The following PRAMEF19 variants were observed in gnomAD, a reference collection of about 807,000 sequenced individuals.
PRAMEF19 encodes the protein PRAME family member 19.
A neutral mutation model predicts 33.1 loss-of-function variants in PRAMEF19; 21 were observed. The ratio of observed to expected loss-of-function variants is 0.63; its 90% CI spans 0.45 to 0.91. PRAMEF19 has a LOEUF of 0.91. PRAMEF19 is among the 40% of genes least tolerant of loss of function. PRAMEF19 has a pLI of 0.00. For synonymous variants in PRAMEF19, 179 were observed against 229.3 expected, an observed-to-expected ratio of 0.78 and a Z score of 1.98; for missense variants, 481 against 585.2, an observed-to-expected ratio of 0.82 and a Z score of 1.84.
At chr1:13,369,628 G>C (rs1230922304) in exon 3 of PRAMEF19, 139 of 1,613,808 alleles carry the variant, frequency 8.6e-5, no homozygotes, top group Admixed American at 1.2e-4. Flanking sequence ...TCTCCAACGG[G>C]CTCTTGAGGC....
At chr1:13,371,404 T>G (rs1640670580) in intron 1 of PRAMEF19, among the ~76,000 whole-genome samples, 177 bp from the exon 2 acceptor site, 1 of 151,698 alleles carries the variant, frequency 6.6e-6, no homozygotes, top group African/African-American at 2.4e-5. Flanking sequence ...TGCCTTTACC[T>G]TCCACTGGGA....
Position 13,371,038 on chromosome 1 carries a change from G to A in PRAMEF19, c.477C>T (p.Ser159=), listed in dbSNP as rs1457607292. The A allele has an allele frequency of 1.1e-5, 17 of 1,611,792 alleles. 1 individual carries two copies. Among genetic ancestry groups the A allele is most frequent in the African/African-American group, 9.4e-5 (7 of 74,820 alleles). ...AGAAGAAGCTCAGATCTTCATCCAC[G>A]GATTTTTCCTTGAGGCAAACATCCA... Residue 159 remains serine (S), a synonymous_variant, in exon 2 of 3, where the codon TCC becomes TCT. Transcript: ENST00000376101.
At chr1:13,369,624 A>G (rs1382025115) in exon 3 of PRAMEF19, 2 of 1,613,858 alleles carry the variant, frequency 1.2e-6, no homozygotes, top group African/African-American at 1.3e-5. Flanking sequence ...AATGTCTCCA[A>G]CGGGCTCTTG....
chr1:13,370,916 TC>T lies in PRAMEF19; in HGVS notation c.598del (p.Glu200LysfsTer22), dbSNP rs1640663627. On this transcript the variant is annotated frameshift_variant, in exon 2 of 3. Transcript: ENST00000376101. LOFTEE classifies it high-confidence loss of function. Reference sequence around the variant, plus strand: ...TTGGATACTGTCTGGGTATACTGTTTCTAATATGTTTCTGAAATTTAGAATG... The same window carrying T: ...TTGGATACTGTCTGGGTATACTGTTTTAATATGTTTCTGAAATTTAGAATG... 2.5e-6 allele frequency: 4 copies of T among 1,613,962 alleles called. No homozygotes were observed. The highest frequency in any genetic ancestry group is 2.7e-5 in the African/African-American group (2 of 75,062).
rs752845494 is a variant in PRAMEF19, at chr1:13,369,311, C to T, written c.1196G>A (p.Arg399His). The change falls in exon 3 of 3, where the codon CGC becomes CAC. Residue 399 changes from arginine to histidine, a missense_variant. By Grantham distance (29) the Arg-to-His change is conservative (BLOSUM62 0). This residue lies in a region of PRAMEF19 where 392 missense variants were observed against 397.5 expected (regional missense o/e 0.99). Coordinates refer to ENST00000376101, the Ensembl canonical transcript of PRAMEF19. ...CAAATTGCTCAGCCTGCCTGTGTGG[C>T]GCAGCAGGTCCTTCAGACCATCCAT... is the stretch of plus-strand genomic sequence containing the variant. 1.4e-5 allele frequency: 22 copies of T among 1,612,046 alleles called. No homozygotes were observed. Among genetic ancestry groups the T allele is most frequent in the South Asian group, 7.7e-5 (7 of 90,992 alleles).
At chr1:13,371,758 C>A (rs1412539201) in exon 1 of PRAMEF19, 1 of 1,610,154 alleles carries the variant, frequency 6.2e-7, no homozygotes, top group African/African-American at 1.3e-5. Context: ...AACCTCGCAG[C>A]ATCTGCTAGT....
chr1:13,370,641 T>C lies in PRAMEF19; in HGVS notation c.866+8A>G. On this transcript the variant is annotated splice_region_variant and intron_variant, in intron 2 of 2. Transcript: ENST00000376101. ...GTCCCCCAGAGAAAGCTCACCATCT[T>C]TCCTCACCTGATCAGCTGGTCCAGG... The C allele has an allele frequency of 1.9e-6, 3 of 1,613,900 alleles. No homozygotes were observed. Among genetic ancestry groups the C allele is most frequent in the Non-Finnish European group, 2.5e-6 (3 of 1,179,850 alleles).
rs1245806976 is a variant in PRAMEF19 at position 13,370,594 on chromosome 1, T to C, written c.866+55A>G. 5.7e-4 allele frequency: 924 copies of C among 1,609,178 alleles called. 2 individuals are homozygous for C. The highest frequency in any genetic ancestry group is 7.3e-4 in the Non-Finnish European group (857 of 1,176,986). ...AGTAGATGCTGACTAGTGTTTACTG[T>C]AACAAAAAAAGGCTGTGCTGTGTCC... On this transcript the variant is annotated intron_variant, in intron 2 of 2. Transcript: ENST00000376101.
chr1:13,371,308 T>G (rs1335085814), intron 1 of PRAMEF19, 81 bp from the exon 2 acceptor site: 1 of 1,427,618 alleles, frequency 7.0e-7, no homozygotes, highest in South Asian at 1.2e-5. Flanking sequence ...CATCAAGGAC[T>G]TCAGCTGCTT....
chr1:13,371,645 C>G, exon 1 of PRAMEF19: 1 of 1,610,792 alleles, frequency 6.2e-7, no homozygotes, highest in Non-Finnish European at 8.5e-7. Flanking sequence ...AGCAGGCAAT[C>G]AATCCCATCC....
chr1:13,368,575 A>C (rs1244143092), downstream of PRAMEF19, among the ~76,000 whole-genome samples: 3 of 152,186 alleles, frequency 2.0e-5, no homozygotes, highest in South Asian at 2.1e-4. Flanking sequence ...CATGAAGGAC[A>C]GCAGAGAGTT....
exon 2 of PRAMEF19, chr1:13,371,031 C>T: frequency 2.5e-6 from 4 of 1,612,038 alleles, no homozygotes; most frequent in Non-Finnish European, 3.4e-6. Flanking sequence ...CTCAGATCTT[C>T]ATCCACGGAT....
exon 2 of PRAMEF19, chr1:13,370,697 T>C (rs1473769592): frequency 2.5e-6 from 4 of 1,613,810 alleles, no homozygotes; most frequent in Admixed American, 1.7e-5. Context: ...CCTTCTCATA[T>C]AAAGCATCTG....
At chr1:13,370,200 C>G (rs1640653428) in intron 2 of PRAMEF19, among the ~76,000 whole-genome samples, 1 of 152,278 alleles carries the variant, frequency 6.6e-6, no homozygotes, top group Admixed American at 6.5e-5. Flanking sequence ...ACAGAGCTTC[C>G]TCTGTGAAAC....
At chr1:13,368,760 T>C (rs1294423627), downstream of PRAMEF19, among the ~76,000 whole-genome samples, 1 of 151,638 alleles carries the variant, frequency 6.6e-6, no homozygotes, top group Non-Finnish European at 1.5e-5. Context: ...TTTTTTTGTG[T>C]TTTTTTTCCC....
exon 3 of PRAMEF19, chr1:13,369,444 A>T: frequency 6.2e-7 from 1 of 1,613,904 alleles, no homozygotes; most frequent in Non-Finnish European, 8.5e-7. Context: ...TCCACTAAGA[A>T]GAGGGTCTGA....
exon 1 of PRAMEF19, chr1:13,371,629 T>G (rs1640673867): frequency 6.2e-7 from 1 of 1,610,578 alleles, no homozygotes; most frequent in South Asian, 1.1e-5. Context: ...GCGAACCTTT[T>G]GGGCAAGCAG....
chr1:13,369,752 A>G, intron 2 of PRAMEF19, 112 bp from the exon 3 acceptor site: 1 of 1,440,280 alleles, frequency 6.9e-7, no homozygotes, highest in South Asian at 1.2e-5. Context: ...TGTTCTCATC[A>G]TCTAATCATG....
In PRAMEF19 at chr1:13,369,627, G is replaced by T. The variant is rs1327173881; in HGVS notation, c.880C>A (p.Pro294Thr). Residue 294 changes from proline (P) to threonine (T), a missense_variant, in exon 3 of 3, where the codon CCG becomes ACG. This residue lies in a region of PRAMEF19 where 392 missense variants were observed against 397.5 expected (regional missense o/e 0.99). Coordinates refer to ENST00000376101, the Ensembl canonical transcript of PRAMEF19. The stretch of plus-strand genomic sequence containing the variant: ...TAAGTTAATGCCAATGTCTCCAACG[G>T]GCTCTTGAGGCACCTGGGGAGAGCA... The T allele has an allele frequency of 4.3e-6, 7 of 1,613,898 alleles. No homozygotes were observed. The Admixed American group carries it at 1.2e-4, about 27-fold the overall frequency.
Sources: allele counts gnomAD v4.1 joint callset (sites outside exome capture counted in the v4.1 genomes callset), GRCh38; gene constraint gnomAD v4.1.1; regional missense constraint gnomAD v4.1.1; transcripts MANE v1.5; gene names NCBI Gene and HGNC (gene_info 2026-07-23, HGNC 2026-07-21).